The following FRY variants were observed in gnomAD, a reference collection of about 807,000 sequenced individuals.
The protein encoded by FRY is protein furry homolog.
FRY carries 128 observed loss-of-function variants against 348.4 expected under a neutral mutation model. That is an observed-to-expected ratio of 0.37 (90% confidence interval 0.32 to 0.43). FRY has a LOEUF of 0.43. FRY is among the 20% of genes least tolerant of loss of function. The pLI, the probability that FRY is intolerant of heterozygous loss-of-function variation, is 1.00. For missense variants in FRY, 2,736 were observed against 3,695.2 expected, an observed-to-expected ratio of 0.74 and a Z score of 6.73; for synonymous variants, 1,370 against 1,374.7, an observed-to-expected ratio of 1.00 and a Z score of 0.08.
At chr13:32,148,013 T>G in intron 13 of FRY, 66 bp downstream of exon 13, 2 of 896,604 alleles carry the variant, frequency 2.2e-6, no homozygotes, top group East Asian at 2.4e-5. Context: ...CTCCTTCTTA[T>G]GAAGTACTAA....
At chr13:32,236,238 G>A in intron 43 of FRY, 66 bp downstream of exon 43, 2 of 1,185,514 alleles carry the variant, frequency 1.7e-6, no homozygotes, top group Non-Finnish European at 2.5e-6. Context: ...GGAGATGCTG[G>A]ACTTTAGGAA....
chr13:32,262,460 T>A lies in FRY; in HGVS notation c.7764T>A (p.Ile2588=), dbSNP rs764151494. ...TGCCTGATATGAATAATCTGCAGAT[T>A]TCTGAGGGTTCAAAGGTGAAGAGAT... is the stretch of plus-strand genomic sequence containing the variant. ...ASLPDMNNLQ[I]SEGSKAEAVR... Residue 2588 remains isoleucine, a synonymous_variant, in exon 53 of 61, where the codon ATT becomes ATA. Transcript: ENST00000542859. The A allele has an allele frequency of 6.2e-7, 1 of 1,613,216 alleles. No homozygotes were observed. Among genetic ancestry groups the A allele is most frequent in the Non-Finnish European group, 8.5e-7 (1 of 1,179,156 alleles).
chr13:32,126,276 A>G lies in FRY; in HGVS notation c.716+1401A>G, dbSNP rs535328135. On this transcript the variant is annotated intron_variant, in intron 7 of 60. Transcript: ENST00000542859. Reference sequence around the variant, plus strand: ...CATTTGGAAACTTCAGTATCCAAAAATGACTTTGTGTTTTCCTTAGTTTTT... The same window carrying G: ...CATTTGGAAACTTCAGTATCCAAAAGTGACTTTGTGTTTTCCTTAGTTTTT... 9.8e-5 allele frequency among the ~76,000 whole-genome samples: 15 copies of G among 152,346 alleles called. No homozygotes were observed. In the East Asian group the frequency reaches 2.9e-3, roughly 29 times the overall value.
chr13:32,159,251 T>A (rs1224739210), intron 16 of FRY, among the ~76,000 whole-genome samples: 3 of 149,544 alleles, frequency 2.0e-5, no homozygotes, highest in Non-Finnish European at 3.0e-5. Context: ...AAAAAAAAAA[T>A]AAGGAAGAAG....
At chr13:32,096,689 C>CCTGAGG (rs1876745370) in intron 2 of FRY, among the ~76,000 whole-genome samples, 1 of 149,856 alleles carries the variant, frequency 6.7e-6, no homozygotes, top group Non-Finnish European at 1.5e-5. Context: ...TACTCCAGAG[C>CCTGAGG]CTGAGGCTGA....
At chr13:32,154,232 A>G (rs1033555268) in intron 14 of FRY, among the ~76,000 whole-genome samples, 2 of 152,198 alleles carry the variant, frequency 1.3e-5, no homozygotes, top group Non-Finnish European at 2.9e-5. Context: ...GAGGGAACTA[A>G]TGGGCTTCGA....
At chr13:32,292,400 T>G (rs117220861) in intron 59 of FRY, among the ~76,000 whole-genome samples, 3,540 of 152,186 alleles carry the variant, frequency 0.023, 53 homozygotes, top group Middle Eastern at 0.058. Flanking sequence ...AGTGACAGAG[T>G]TTAAGGTGAT....
At chr13:32,091,797 C>T (rs543712673) in intron 2 of FRY, among the ~76,000 whole-genome samples, 1 of 152,306 alleles carries the variant, frequency 6.6e-6, no homozygotes, top group South Asian at 2.1e-4. Context: ...AAACCCTCAA[C>T]TGATTATGTG....
In FRY at chr13:32,295,595, A is replaced by G; in HGVS notation, c.*135A>G. On this transcript the variant is annotated 3_prime_UTR_variant, in exon 61 of 61. Coordinates refer to ENST00000542859, the MANE Select transcript of FRY (RefSeq NM_023037.3). Reference sequence around the variant, plus strand: ...TCTTGTTACCTGTAGGGCTTTTTCTAAAGAGGATGGCAGAACTTCCAACGT... The same window carrying G: ...TCTTGTTACCTGTAGGGCTTTTTCTGAAGAGGATGGCAGAACTTCCAACGT... 1 of 825,474 alleles carries G rather than the reference A, an allele frequency of 1.2e-6. No individual in the cohort carries two copies. 51.1% of individuals were successfully genotyped at this position (825,474 alleles called of 1,614,324 possible).
At chr13:32,154,478 A>C (rs1566100710) in intron 14 of FRY, among the ~76,000 whole-genome samples, 1 of 152,230 alleles carries the variant, frequency 6.6e-6, no homozygotes, top group Non-Finnish European at 1.5e-5. Context: ...TCTACTAAAT[A>C]GGTGATTCAG....
chr13:32,065,092 C>G (rs1185354593), intron 1 of FRY, among the ~76,000 whole-genome samples: 3 of 152,004 alleles, frequency 2.0e-5, no homozygotes, highest in African/African-American at 4.8e-5. Flanking sequence ...AATTGAGGTT[C>G]TAAGATGGCA....
At chr13:32,173,701 C>T (rs1882221218) in intron 19 of FRY, 152 bp downstream of exon 19, 1 of 694,520 alleles carries the variant, frequency 1.4e-6, no homozygotes. Flanking sequence ...ATTGTAATAA[C>T]ATTCTTGATC....
At chr13:32,233,189 T>G (rs928468945) in intron 41 of FRY, among the ~76,000 whole-genome samples, 6 of 152,182 alleles carry the variant, frequency 3.9e-5, no homozygotes, top group Non-Finnish European at 5.9e-5. Context: ...CAGGAACATT[T>G]TCTTGTATAA....
intron 1 of FRY, among the ~76,000 whole-genome samples, chr13:32,046,455 A>G (rs1873020701): frequency 6.6e-6 from 1 of 152,212 alleles, no homozygotes; most frequent in Non-Finnish European, 1.5e-5. Context: ...GTTGAGACCA[A>G]GCCTCCATCT....
At chr13:32,122,152 G>C (rs1301828650) in intron 4 of FRY, among the ~76,000 whole-genome samples, 1 of 152,038 alleles carries the variant, frequency 6.6e-6, no homozygotes, top group Non-Finnish European at 1.5e-5. Context: ...TGCAGAAAAA[G>C]CATTAGACAG....
At chr13:32,128,994 C>T (rs1305890797) in intron 7 of FRY, among the ~76,000 whole-genome samples, 1 of 152,186 alleles carries the variant, frequency 6.6e-6, no homozygotes, top group African/African-American at 2.4e-5. Context: ...AAGGTGTTAG[C>T]AGGGTTGATT....
rs558634791 is a variant in FRY at position 32,231,335 on chromosome 13, G to A, written c.5527+35G>A. The A allele has an allele frequency of 3.3e-5, 53 of 1,605,730 alleles. No individual in the cohort carries two copies. The Middle Eastern group carries it at 6.6e-4, about 20-fold the overall frequency. Reference sequence around the variant, plus strand: ...CTTATTTGCACAGATCCCTCTTTCAGCATTGTTCTGTAATGGACACTGTCT... The same window carrying A: ...CTTATTTGCACAGATCCCTCTTTCAACATTGTTCTGTAATGGACACTGTCT... On this transcript the variant is annotated intron_variant, in intron 41 of 60. Transcript: ENST00000542859.
chr13:32,157,175 C>T (rs1329914730), intron 15 of FRY, 98 bp from the exon 16 acceptor site: 3 of 1,144,940 alleles, frequency 2.6e-6, no homozygotes, highest in South Asian at 2.5e-5. Context: ...GTCATTGACT[C>T]ATAAGGTCTT....
In FRY at chr13:32,136,930, C is replaced by G; in HGVS notation, c.1137C>G (p.Asn379Lys). 2 of 1,609,666 alleles carry G rather than the reference C, an allele frequency of 1.2e-6. No individual in the cohort carries two copies. The highest frequency in any genetic ancestry group is 1.7e-6 in the Non-Finnish European group (2 of 1,175,928). ...LCVSQKQLFL[N>K]RWHIFLNNCL... ...TCAGTCAGAAGCAGCTGTTCCTGAA[C>G]AGGTGGCACATTTTCCTCAACAACT... is the stretch of plus-strand genomic sequence containing the variant. The change falls in exon 11 of 61, where the codon AAC (asparagine) becomes AAG (lysine). Residue 379 changes from asparagine (N) to lysine (K), a missense_variant. By Grantham distance (94) the Asn-to-Lys change is moderately conservative. This residue lies in a region of FRY where 191 missense variants were observed against 370.2 expected (regional missense o/e 0.52). Coordinates refer to ENST00000542859, the MANE Select transcript of FRY (RefSeq NM_023037.3).
Sources: gnomAD v4.1 joint callset for allele counts (sites outside exome capture counted in the v4.1 genomes callset) on GRCh38, gnomAD v4.1.1 for gene constraint, gnomAD v4.1.1 regional missense constraint, MANE v1.5 for transcripts, NCBI Gene and HGNC (gene_info 2026-07-23, HGNC 2026-07-21) for gene names.